Variants in GRIN2B observed in about 807,000 individuals in gnomAD.
The protein encoded by GRIN2B is glutamate receptor ionotropic, NMDA 2B.
A neutral mutation model predicts 114.5 loss-of-function variants in GRIN2B; 5 were observed. The ratio of observed to expected loss-of-function variants is 0.04; its 90% CI spans 0.02 to 0.09. The LOEUF is 0.09. GRIN2B is among the 10% of genes least tolerant of loss of function. The pLI is 1.00. For missense variants in GRIN2B, 1,108 were observed against 1,943.5 expected (o/e 0.57, Z 8.08); for synonymous variants, 787 against 745.1 (o/e 1.06, Z -0.92).
chr12:13,810,291 C>G (rs1055433206), intron 3 of GRIN2B, among the ~76,000 whole-genome samples: 1 of 151,576 alleles, frequency 6.6e-6, no homozygotes, highest in African/African-American at 2.4e-5. Flanking sequence ...TCTTGGCTTA[C>G]TGCAACCTCT....
At chr12:13,729,928 G>A (rs1863056038) in intron 4 of GRIN2B, among the ~76,000 whole-genome samples, 1 of 151,346 alleles carries the variant, frequency 6.6e-6, no homozygotes, top group Non-Finnish European at 1.5e-5. Flanking sequence ...AGCATCTCTG[G>A]GCAAAAAATC....
intron 3 of GRIN2B, among the ~76,000 whole-genome samples, chr12:13,825,157 G>T (rs1865010035): frequency 6.6e-6 from 1 of 151,740 alleles, no homozygotes; most frequent in Non-Finnish European, 1.5e-5. Flanking sequence ...ATATCCTGAA[G>T]GCCTTTGTGA....
chr12:13,664,573 A>T (rs959756407), intron 5 of GRIN2B, among the ~76,000 whole-genome samples: 2 of 152,218 alleles, frequency 1.3e-5, no homozygotes, highest in East Asian at 3.8e-4. Flanking sequence ...ATTAACTCAA[A>T]TACTACAGTT....
intron 4 of GRIN2B, among the ~76,000 whole-genome samples, chr12:13,746,419 G>C: frequency 6.6e-6 from 1 of 152,126 alleles, no homozygotes. Flanking sequence ...TCTCCACTGA[G>C]AGCCATTAAC....
intron 3 of GRIN2B, among the ~76,000 whole-genome samples, chr12:13,833,611 C>G (rs1865193214): frequency 6.6e-6 from 1 of 152,210 alleles, no homozygotes; most frequent in African/African-American, 2.4e-5. Context: ...ACGAGGCTGT[C>G]ATCATGTTGC....
At chr12:13,921,121 G>C (rs181856343) in intron 2 of GRIN2B, among the ~76,000 whole-genome samples, 26 of 152,256 alleles carry the variant, frequency 1.7e-4, no homozygotes, top group African/African-American at 5.8e-4. Context: ...TAGGAACCAG[G>C]CATGGTAGCT....
chr12:13,620,138 T>C (rs1418661251), intron 5 of GRIN2B, among the ~76,000 whole-genome samples: 1 of 152,184 alleles, frequency 6.6e-6, no homozygotes, highest in African/African-American at 2.4e-5. Context: ...GAGCTGTGGC[T>C]TGAAACGTAA....
At chr12:13,743,458 C>T (rs192109636) in intron 4 of GRIN2B, among the ~76,000 whole-genome samples, 1 of 152,026 alleles carries the variant, frequency 6.6e-6, no homozygotes. Flanking sequence ...CACACACATA[C>T]ACACACACAC....
At chr12:13,700,311 A>C (rs12308271) in intron 4 of GRIN2B, among the ~76,000 whole-genome samples, 5 of 152,006 alleles carry the variant, frequency 3.3e-5, no homozygotes, top group Non-Finnish European at 5.9e-5. Flanking sequence ...TTTCTACTAC[A>C]ATGAGAACAT....
At chr12:13,692,785 T>C (rs1165752687) in intron 4 of GRIN2B, among the ~76,000 whole-genome samples, 2 of 121,502 alleles carry the variant, frequency 1.6e-5, no homozygotes, top group Non-Finnish European at 3.5e-5. Context: ...TTTTTTTTTT[T>C]GAGGCAGAGT....
chr12:13,934,043 T>A (rs1256077141), intron 2 of GRIN2B, among the ~76,000 whole-genome samples: 2 of 152,268 alleles, frequency 1.3e-5, no homozygotes, highest in African/African-American at 4.8e-5. Flanking sequence ...CATAGAGGCA[T>A]GAATTCTGCC....
intron 2 of GRIN2B, among the ~76,000 whole-genome samples, chr12:13,959,323 C>G (rs894362251): frequency 2.6e-5 from 4 of 152,140 alleles, no homozygotes; most frequent in African/African-American, 9.7e-5. Context: ...AACACAAAGG[C>G]AGGCAGCCGC....
intron 1 of GRIN2B, among the ~76,000 whole-genome samples, chr12:13,980,895 C>T (rs972783645): frequency 1.2e-4 from 16 of 137,600 alleles, no homozygotes; most frequent in African/African-American, 3.5e-4. Context: ...GGCACACTGA[C>T]GCGCGCACAC....
In GRIN2B at chr12:13,567,044, A is replaced by G. The variant is rs759966787; in HGVS notation, c.2579T>C (p.Met860Thr). 1 of 1,613,226 alleles carries G rather than the reference A, an allele frequency of 6.2e-7. No individual in the cohort carries two copies. The highest frequency in any genetic ancestry group is 8.5e-7 in the Non-Finnish European group (1 of 1,179,112). ...FMGVCSGKPG[M>T]VFSISRGIYS... Reference sequence around the variant, plus strand: ...ACTTACTCTGCTGATGGAGAAGACCATGCCAGGCTTGCCAGAACAGACACC... The same window carrying G: ...ACTTACTCTGCTGATGGAGAAGACCGTGCCAGGCTTGCCAGAACAGACACC... The change falls in exon 13 of 14, where the codon ATG becomes ACG. Residue 860 changes from methionine (M) to threonine (T), a missense_variant. This residue lies in a region of GRIN2B where 30 missense variants were observed against 35.9 expected (regional missense o/e 0.84). Transcript: ENST00000609686.
intron 2 of GRIN2B, among the ~76,000 whole-genome samples, chr12:13,919,613 C>G (rs912110886): frequency 6.6e-6 from 1 of 152,012 alleles, no homozygotes; most frequent in African/African-American, 2.4e-5. Context: ...CTTTTAAGAC[C>G]GTGCATCAAC....
chr12:13,712,391 A>AAAAAT (rs1370977482), intron 4 of GRIN2B, among the ~76,000 whole-genome samples: 1 of 151,542 alleles, frequency 6.6e-6, no homozygotes, highest in African/African-American at 2.4e-5. Flanking sequence ...AAAAACAAAT[A>AAAAAT]AAAATAAAAT....
Position 13,784,570 on chromosome 12 carries a change from C to G in GRIN2B, c.412-30655G>C, listed in dbSNP as rs560792959. ...CTATAGTCAATTTCCACCCCCCTGC[C>G]CCCTTGAAATGAGCTGGCCTAAAGA... On this transcript the variant is annotated intron_variant, in intron 3 of 13. Transcript: ENST00000609686. Among the ~76,000 whole-genome samples the G allele has an allele frequency of 6.8e-4, 103 of 152,260 alleles. 1 individual carries two copies. The highest frequency in any genetic ancestry group is 3.4e-3 in the Middle Eastern group (1 of 294).
intron 3 of GRIN2B, among the ~76,000 whole-genome samples, chr12:13,852,692 G>GAAA (rs56860420): frequency 0.13 from 12,449 of 95,576 alleles, 731 homozygotes; most frequent in East Asian, 0.2. Context: ...GAGAGATGAG[G>GAAA]AAAAAAAAAA....
intron 5 of GRIN2B, chr12:13,634,217 T>C (rs1328851921): frequency 6.6e-6 from 1 of 152,218 alleles, no homozygotes; most frequent in African/African-American, 2.4e-5. Flanking sequence ...CGGTAGGGGA[T>C]ACACAGATTC....
Sources: gnomAD v4.1 joint callset for allele counts (sites outside exome capture counted in the v4.1 genomes callset) on GRCh38, gnomAD v4.1.1 for gene constraint, gnomAD v4.1.1 regional missense constraint, MANE v1.5 for transcripts, NCBI Gene and HGNC (gene_info 2026-07-23, HGNC 2026-07-21) for gene names.